Variants in EBNA1BP2 observed in about 807,000 individuals in gnomAD.
EBNA1BP2 encodes the protein probable rRNA-processing protein EBP2.
A neutral mutation model predicts 43.5 loss-of-function variants in EBNA1BP2; 36 were observed. That is an observed-to-expected ratio of 0.83 (90% CI 0.63 to 1.09). The LOEUF is 1.09. Ranked by LOEUF, EBNA1BP2 falls within the 50% of genes least tolerant of loss-of-function variation. The probability of loss-of-function intolerance (pLI) is 0.00; values close to 1 mark genes in which losing one functional copy is unlikely to be tolerated. For missense variants in EBNA1BP2, 332 were observed against 379.1 expected (o/e 0.88, Z 1.03); for synonymous variants, 127 against 141.3 (o/e 0.90, Z 0.72).
At chr1:43,164,843 T>C in intron 7 of EBNA1BP2, 38 bp from the exon 8 acceptor site, 1 of 1,605,710 alleles carries the variant, frequency 6.2e-7, no homozygotes, top group Non-Finnish European at 8.5e-7. Context: ...TACAGCACTG[T>C]AAAGCCTGAT....
chr1:43,168,790 G>A (rs1644934637), intron 5 of EBNA1BP2, 149 bp downstream of exon 5: 2 of 819,958 alleles, frequency 2.4e-6, no homozygotes, highest in African/African-American at 3.3e-5. Flanking sequence ...GCAAGATTGT[G>A]CTCATGAATA....
upstream of EBNA1BP2, chr1:43,172,407 C>G: frequency 3.2e-6 from 5 of 1,551,330 alleles, no homozygotes; most frequent in Non-Finnish European, 4.4e-6. Flanking sequence ...CTACAGGTAG[C>G]GCCTCTGGAT....
chr1:43,164,699 G>A lies in EBNA1BP2; in HGVS notation c.814C>T (p.Arg272Trp), dbSNP rs1489078038. ...CCTCTGCCATGAGCTGTCTTGGCCC[G>A]GAAGCTAGATACATCATCATAGCTC... Reference protein sequence around the residue: ...RESYDDVSSFRAKTAHGRGLK... With the variant: ...RESYDDVSSFWAKTAHGRGLK... The change falls in exon 8 of 9, where the codon CGG (arginine) becomes TGG (tryptophan). Residue 272 changes from arginine to tryptophan, a missense_variant. By Grantham distance (101) the Arg-to-Trp change is moderately radical (BLOSUM62 -3). This residue lies in a region of EBNA1BP2 where 59 missense variants were observed against 53.3 expected (regional missense o/e 1.11). Coordinates refer to ENST00000236051, the MANE Select transcript of EBNA1BP2 (RefSeq NM_006824.3). 10 of 1,614,042 alleles carry A rather than the reference G, an allele frequency of 6.2e-6. No individual in the cohort carries two copies. The highest frequency in any genetic ancestry group is 4.0e-5 in the African/African-American group (3 of 74,918).
Position 43,164,451 on chromosome 1 carries a change from T to A in EBNA1BP2, c.913A>T (p.Thr305Ser). The change falls in exon 9 of 9, where the codon ACA (threonine) becomes TCA (serine). Residue 305 changes from threonine (T) to serine (S), a missense_variant. By Grantham distance (58) the Thr-to-Ser change is moderately conservative (BLOSUM62 1). Around this residue, in one of 3 missense-constraint regions of EBNA1BP2, gnomAD observed 59 missense variants for 53.3 expected, o/e 1.11. Transcript: ENST00000236051. ...GTATTCAAAGATGCTATTTAGTGTGTTCTGTTCTTCATCTTCTCTCTTGTT... is the reference window on the plus strand; with the variant it reads ...GTATTCAAAGATGCTATTTAGTGTGATCTGTTCTTCATCTTCTCTCTTGTT... ...KRTREKMKNRTH is the reference protein window; with the variant it reads ...KRTREKMKNRSH The A allele has an allele frequency of 1.2e-6, 2 of 1,614,230 alleles. No individual in the cohort carries two copies. Among genetic ancestry groups the A allele is most frequent in the Non-Finnish European group, 1.7e-6 (2 of 1,180,030 alleles).
intron 5 of EBNA1BP2, among the ~76,000 whole-genome samples, chr1:43,168,384 C>T (rs1449169404): frequency 6.6e-6 from 1 of 152,110 alleles, no homozygotes; most frequent in Non-Finnish European, 1.5e-5. Context: ...AAAGGAAAAC[C>T]AAGAAAAGTT....
intron 5 of EBNA1BP2, among the ~76,000 whole-genome samples, chr1:43,168,428 CTCAGACAT>C (rs765749010): frequency 1.3e-5 from 2 of 152,184 alleles, no homozygotes; most frequent in Non-Finnish European, 2.9e-5. Flanking sequence ...TACATTAGAA[CTCAGACAT>C]TCATAGTTCA....
At chr1:43,169,587 T>C (rs1644941703) in intron 4 of EBNA1BP2, among the ~76,000 whole-genome samples, 1 of 152,186 alleles carries the variant, frequency 6.6e-6, no homozygotes, top group Non-Finnish European at 1.5e-5. Context: ...TCAGTATCCA[T>C]AGAGGATTAG....
In EBNA1BP2 at chr1:43,172,001, G is replaced by A. The variant is rs779415453; in HGVS notation, c.67-32C>T. The A allele has an allele frequency of 3.1e-6, 5 of 1,614,160 alleles. No homozygotes were observed. In the South Asian group the frequency reaches 4.4e-5, roughly 14 times the overall value. On this transcript the variant is annotated intron_variant, in intron 1 of 8. Coordinates refer to ENST00000236051, the MANE Select transcript of EBNA1BP2 (RefSeq NM_006824.3). ...GACACAATCACGGTCACTCCCAGGG[G>A]TGTAAGGCCCCCTCTCCCACGCCCA...
intron 2 of EBNA1BP2, 108 bp downstream of exon 2, chr1:43,171,778 C>A (rs373878657): frequency 3.2e-6 from 5 of 1,563,398 alleles, no homozygotes; most frequent in Non-Finnish European, 1.7e-6. Flanking sequence ...ACCCTCTTGG[C>A]GAGGCGCAGG....
At chr1:43,171,380 T>C in intron 3 of EBNA1BP2, 99 bp downstream of exon 3, 1 of 1,452,332 alleles carries the variant, frequency 6.9e-7, no homozygotes, top group Non-Finnish European at 9.2e-7. Flanking sequence ...CTCTCTCTAC[T>C]CCTAGGCTTA....
chr1:43,171,911 C>A lies in EBNA1BP2; in HGVS notation c.125G>T (p.Gly42Val), dbSNP rs373547977. ...CACGTCGTTCACGGCCTTCTTCGGC[C>A]CCTCTAGCACGACATTGAGGCCTGG... ...LKPGLNVVLE[G>V]PKKAVNDVNG... Residue 42 changes from glycine (G) to valine (V), a missense_variant, in exon 2 of 9, where the codon GGG (glycine) becomes GTG (valine). By Grantham distance (109) the Gly-to-Val change is moderately radical. Around this residue, in one of 3 missense-constraint regions of EBNA1BP2, gnomAD observed 182 missense variants for 173.7 expected, o/e 1.05. Coordinates refer to ENST00000236051, the MANE Select transcript of EBNA1BP2 (RefSeq NM_006824.3). 4.3e-6 allele frequency: 7 copies of A among 1,614,010 alleles called. No homozygotes were observed. The African/African-American group carries it at 9.3e-5, about 22-fold the overall frequency.
chr1:43,165,745 C>G (rs1644913964), intron 7 of EBNA1BP2, among the ~76,000 whole-genome samples: 1 of 152,156 alleles, frequency 6.6e-6, no homozygotes, highest in Non-Finnish European at 1.5e-5. Context: ...CCCCTCCTTG[C>G]TTTGCACTGT....
intron 3 of EBNA1BP2, 46 bp from the exon 4 acceptor site, chr1:43,170,925 C>T: frequency 1.3e-6 from 2 of 1,493,178 alleles, no homozygotes; most frequent in Non-Finnish European, 8.9e-7. Flanking sequence ...AGGAGGAGGC[C>T]TTACGTTCCT....
rs1644902764 is a variant in EBNA1BP2 at position 43,164,203 on chromosome 1, T to A, written c.*240A>T. On this transcript the variant is annotated 3_prime_UTR_variant, in exon 9 of 9. Coordinates refer to ENST00000236051, the MANE Select transcript of EBNA1BP2 (RefSeq NM_006824.3). ...AAGGTGTCAGTTAAATCATTATTTA[T>A]CATAAAATGAAGGCAATTTGAACTC... 1 of 534,780 alleles carries A rather than the reference T, an allele frequency of 1.9e-6. No individual in the cohort carries two copies. The highest frequency in any genetic ancestry group is 3.3e-6 in the Non-Finnish European group (1 of 299,400). 33.1% of individuals were successfully genotyped at this position (534,780 alleles called of 1,614,324 possible).
At chr1:43,170,322 C>A (rs1225377276) in intron 4 of EBNA1BP2, among the ~76,000 whole-genome samples, 1 of 152,196 alleles carries the variant, frequency 6.6e-6, no homozygotes, top group Non-Finnish European at 1.5e-5. Context: ...CTACCCAACT[C>A]TAAATTGTAC....
At position 43,171,595 on chromosome 1, in the gene EBNA1BP2, C is replaced by T. The variant is rs1644972767; in HGVS notation, c.207G>A (p.Arg69=). 12 of 1,614,212 alleles carry T rather than the reference C, an allele frequency of 7.4e-6. No homozygotes were observed. Among genetic ancestry groups the T allele is most frequent in the African/African-American group, 1.3e-5 (1 of 75,054 alleles). Residue 69 remains arginine, a synonymous_variant, in exon 3 of 9, where the codon AGG becomes AGA. Coordinates refer to ENST00000236051, the MANE Select transcript of EBNA1BP2 (RefSeq NM_006824.3). ...EFKRDLEWVE[R]LDVTLGPVPE... ...GTACCGGACCCAGTGTCACATCGAG[C>T]CTTTCAACCCATTCCAGATCCCGCT...
At chr1:43,164,516 T>C (rs1378193189) in intron 8 of EBNA1BP2, 23 bp from the exon 9 acceptor site, 27 of 1,614,010 alleles carry the variant, frequency 1.7e-5, no homozygotes, top group Non-Finnish European at 2.3e-5. Context: ...ACATACCACA[T>C]CTGGTCACAT....
upstream of EBNA1BP2, chr1:43,172,343 C>T (rs1385854024): frequency 1.3e-6 from 2 of 1,551,466 alleles, no homozygotes. Flanking sequence ...TCCGGTTTGT[C>T]GTTGCTATAG....
intron 7 of EBNA1BP2, 72 bp from the exon 8 acceptor site, chr1:43,164,877 C>T (rs779385087): frequency 4.9e-5 from 76 of 1,564,452 alleles, no homozygotes; most frequent in Non-Finnish European, 6.0e-5. Flanking sequence ...CAGCAATGCT[C>T]TCAGTTTCCT....
Sources: allele counts gnomAD v4.1 joint callset (sites outside exome capture counted in the v4.1 genomes callset), GRCh38; gene constraint gnomAD v4.1.1; regional missense constraint gnomAD v4.1.1; transcripts MANE v1.5; gene names NCBI Gene and HGNC (gene_info 2026-07-23, HGNC 2026-07-21).